Variants in CNTNAP2 observed in about 807,000 individuals in gnomAD.
CNTNAP2 encodes contactin associated protein 2, also known as contactin-associated protein-like 2.
In CNTNAP2, 98 loss-of-function variants were observed where a neutral mutation model predicts 155.2. The observed-to-expected ratio is 0.63, with a 90% CI of 0.54 to 0.75. The LOEUF (loss-of-function observed/expected upper bound fraction) is 0.75. CNTNAP2 is among the 30% of genes least tolerant of loss of function. The pLI is 0.00. For missense variants in CNTNAP2, 1,727 were observed against 1,688.1 expected, an observed-to-expected ratio of 1.02 and a Z score of -0.40; for synonymous variants, 651 against 631.2, an observed-to-expected ratio of 1.03 and a Z score of -0.47.
chr7:147,106,890 A>G (rs1800776864), intron 4 of CNTNAP2, among the ~76,000 whole-genome samples: 1 of 152,174 alleles, frequency 6.6e-6, no homozygotes, highest in Non-Finnish European at 1.5e-5. Context: ...TGGTGATTGG[A>G]GTAAACAAGT....
intron 22 of CNTNAP2, 78 bp from the exon 23 acceptor site, chr7:148,409,313 C>T (rs1799772160): frequency 1.8e-6 from 2 of 1,115,470 alleles, no homozygotes; most frequent in African/African-American, 1.5e-5. Flanking sequence ...TGAAGAGTTG[C>T]ATGAAGAAAT....
At chr7:147,852,089 G>T (rs1798954746) in intron 13 of CNTNAP2, among the ~76,000 whole-genome samples, 1 of 152,048 alleles carries the variant, frequency 6.6e-6, no homozygotes, top group Non-Finnish European at 1.5e-5. Context: ...TTGCCTCTTT[G>T]GGAACTCCAG....
intron 13 of CNTNAP2, among the ~76,000 whole-genome samples, chr7:147,696,886 G>A (rs1428544004): frequency 1.3e-4 from 20 of 152,016 alleles, no homozygotes; most frequent in Admixed American, 1.2e-3. Flanking sequence ...TTTTATAAGT[G>A]AAGTGTTTTT....
chr7:147,586,476 GT>G (rs2116835590), intron 12 of CNTNAP2, among the ~76,000 whole-genome samples: 1 of 134,842 alleles, frequency 7.4e-6, no homozygotes, highest in South Asian at 2.4e-4. Context: ...GGGCTTAGAA[GT>G]TTATTTTTAG....
chr7:146,736,337 A>G (rs13222622), intron 1 of CNTNAP2, among the ~76,000 whole-genome samples: 26,523 of 152,040 alleles, frequency 0.17, 2,570 homozygotes, highest in African/African-American at 0.25. Flanking sequence ...AAAAAAGTCA[A>G]AGACAATGGG....
At chr7:147,262,588 G>C (rs1160374036) in intron 8 of CNTNAP2, among the ~76,000 whole-genome samples, 2 of 152,016 alleles carry the variant, frequency 1.3e-5, no homozygotes, top group Non-Finnish European at 2.9e-5. Flanking sequence ...GCGGATCACG[G>C]GTTCAGGAGA....
intron 3 of CNTNAP2, among the ~76,000 whole-genome samples, chr7:147,027,004 G>GAAAAAAAAAAAAAAAAAAAA (rs57810224): frequency 3.0e-5 from 2 of 67,442 alleles, no homozygotes; most frequent in East Asian, 5.6e-4. Flanking sequence ...AAACAGAACA[G>GAAAAAAAAAAAAAAAAAAAA]AAAAAAAAAA....
chr7:147,260,499 G>A (rs935420396), intron 8 of CNTNAP2, among the ~76,000 whole-genome samples: 24 of 152,120 alleles, frequency 1.6e-4, no homozygotes, highest in African/African-American at 5.8e-4. Context: ...TTAGAGGACA[G>A]GAAAAGTCTG....
At chr7:146,763,483 C>T (rs991549820) in intron 1 of CNTNAP2, among the ~76,000 whole-genome samples, 6 of 152,122 alleles carry the variant, frequency 3.9e-5, no homozygotes, top group Middle Eastern at 3.4e-3. Context: ...TAATATGAAA[C>T]TCTAGGTTGT....
At chr7:146,417,269 A>G (rs1795950511) in intron 1 of CNTNAP2, among the ~76,000 whole-genome samples, 1 of 152,166 alleles carries the variant, frequency 6.6e-6, no homozygotes, top group South Asian at 2.1e-4. Context: ...ACTTTATGTC[A>G]GTTTTCTACT....
chr7:146,457,077 G>C (rs537991324), intron 1 of CNTNAP2, among the ~76,000 whole-genome samples: 5 of 152,096 alleles, frequency 3.3e-5, no homozygotes, highest in African/African-American at 1.2e-4. Flanking sequence ...AAGTTTTGCA[G>C]ATTTTGATGT....
At chr7:147,338,502 T>A (rs1272201363) in intron 9 of CNTNAP2, among the ~76,000 whole-genome samples, 1 of 152,026 alleles carries the variant, frequency 6.6e-6, no homozygotes, top group East Asian at 1.9e-4. Flanking sequence ...AATGCCCTGG[T>A]GATTGTTAAT....
At chr7:147,788,870 T>A (rs1797775485) in intron 13 of CNTNAP2, among the ~76,000 whole-genome samples, 1 of 149,910 alleles carries the variant, frequency 6.7e-6, no homozygotes, top group African/African-American at 2.4e-5. Context: ...TCATGAATCA[T>A]CCAGTAGGAT....
intron 1 of CNTNAP2, among the ~76,000 whole-genome samples, chr7:146,489,682 T>TC (rs1286634126): frequency 6.6e-6 from 1 of 152,040 alleles, no homozygotes; most frequent in Non-Finnish European, 1.5e-5. Flanking sequence ...CAAGCTCTTG[T>TC]CCCCCATCCA....
chr7:147,783,626 T>C lies in CNTNAP2; in HGVS notation c.2099-119939T>C, dbSNP rs560904200. Among the ~76,000 whole-genome samples the C allele has an allele frequency of 6.2e-4, 94 of 152,282 alleles. 1 individual carries two copies. The highest frequency in any genetic ancestry group is 2.3e-3 in the African/African-American group (94 of 41,560). On this transcript the variant is annotated intron_variant, in intron 13 of 23. Coordinates refer to ENST00000361727, the MANE Select transcript of CNTNAP2 (RefSeq NM_014141.6). ...TTATTGCTATAGACAAAATGTGTCATCCCAAAATTTGCATGTTAAAATCTT... is the reference window on the plus strand; with the variant it reads ...TTATTGCTATAGACAAAATGTGTCACCCCAAAATTTGCATGTTAAAATCTT...
chr7:147,015,022 A>G (rs1798694493), intron 3 of CNTNAP2, among the ~76,000 whole-genome samples: 1 of 152,176 alleles, frequency 6.6e-6, no homozygotes, highest in South Asian at 2.1e-4. Flanking sequence ...TTAATTTCTT[A>G]AATTATTTCA....
chr7:148,252,227 C>A (rs2116817468), intron 20 of CNTNAP2, among the ~76,000 whole-genome samples: 1 of 152,288 alleles, frequency 6.6e-6, no homozygotes, highest in Non-Finnish European at 1.5e-5. Context: ...TTAATACATT[C>A]TTTCTCTCAA....
intron 8 of CNTNAP2, among the ~76,000 whole-genome samples, chr7:147,270,220 A>T (rs1471083933): frequency 6.6e-6 from 1 of 152,226 alleles, no homozygotes; most frequent in Non-Finnish European, 1.5e-5. Flanking sequence ...GTTCATGAGT[A>T]CTGGCCACAG....
intron 13 of CNTNAP2, among the ~76,000 whole-genome samples, chr7:147,790,812 C>G (rs1219931228): frequency 6.6e-6 from 1 of 152,230 alleles, no homozygotes; most frequent in East Asian, 1.9e-4. Flanking sequence ...ACCTATGTGG[C>G]AGTTTTTATG....
Sources: gnomAD v4.1 joint callset for allele counts (sites outside exome capture counted in the v4.1 genomes callset) on GRCh38, gnomAD v4.1.1 for gene constraint, MANE v1.5 for transcripts, NCBI Gene and HGNC (gene_info 2026-07-23, HGNC 2026-07-21) for gene names.